The following HEXB variants were observed in gnomAD, a reference collection of about 807,000 sequenced individuals.
HEXB encodes beta-hexosaminidase subunit beta.
A neutral mutation model predicts 71.2 loss-of-function variants in HEXB; 51 were observed. The ratio of observed to expected loss-of-function variants is 0.72; its 90% CI spans 0.57 to 0.90. The LOEUF (loss-of-function observed/expected upper bound fraction) is 0.90, where lower values mean the gene tolerates loss of function less well. Ranked by LOEUF, HEXB falls within the 40% of genes least tolerant of loss-of-function variation. The pLI, the probability that HEXB is intolerant of heterozygous loss-of-function variation, is 0.00. For missense variants in HEXB, 617 were observed against 677.0 expected (o/e 0.91, Z 0.98); for synonymous variants, 266 against 249.3 (o/e 1.07, Z -0.63).
At chr5:74,715,052 T>C (rs1376822910) in intron 7 of HEXB, among the ~76,000 whole-genome samples, 1 of 152,186 alleles carries the variant, frequency 6.6e-6, no homozygotes, top group Non-Finnish European at 1.5e-5. Context: ...ACTGATGGAC[T>C]CCAGGAGAGA....
At chr5:74,704,100 G>A (rs1260994963) in intron 5 of HEXB, among the ~76,000 whole-genome samples, 1 of 152,202 alleles carries the variant, frequency 6.6e-6, no homozygotes. Flanking sequence ...AATATTTACT[G>A]TCTAGCCCTT....
intron 9 of HEXB, among the ~76,000 whole-genome samples, chr5:74,717,139 C>T (rs1749690326): frequency 6.6e-6 from 1 of 152,128 alleles, no homozygotes; most frequent in Non-Finnish European, 1.5e-5. Flanking sequence ...TAAGATCGCA[C>T]CACTGCACTC....
chr5:74,665,437 TAGG>T (rs1483791116), intron 1 of HEXB, among the ~76,000 whole-genome samples: 4 of 149,494 alleles, frequency 2.7e-5, no homozygotes, highest in Admixed American at 2.0e-4. Context: ...TGTGTGTGTG[TAGG>T]AGGAGGAGAG....
chr5:74,643,523 G>C (rs540905464), intron 1 of HEXB, among the ~76,000 whole-genome samples: 5 of 152,170 alleles, frequency 3.3e-5, no homozygotes, highest in African/African-American at 7.2e-5. Context: ...CTTGGGAGCA[G>C]GTCTTTGCCT....
At chr5:74,707,036 AC>A (rs1202171728) in intron 6 of HEXB, among the ~76,000 whole-genome samples, 66 of 152,304 alleles carry the variant, frequency 4.3e-4, no homozygotes, top group African/African-American at 1.5e-3. Context: ...ACTGGGAGGC[AC>A]CCCCCAGTAG....
intron 6 of HEXB, among the ~76,000 whole-genome samples, chr5:74,709,069 G>C (rs1451094111): frequency 2.0e-5 from 3 of 151,934 alleles, no homozygotes; most frequent in Non-Finnish European, 4.4e-5. Flanking sequence ...AAATGTAAAA[G>C]AACAGAAATT....
chr5:74,685,666 G>T (rs1464984050), intron 1 of HEXB, 107 bp downstream of exon 1: 4 of 1,026,542 alleles, frequency 3.9e-6, no homozygotes, highest in Non-Finnish European at 4.2e-6. Context: ...ACGAGAAACC[G>T]CCTGGGAGCT....
At chr5:74,710,137 G>A (rs189699701) in intron 6 of HEXB, among the ~76,000 whole-genome samples, 29 of 152,198 alleles carry the variant, frequency 1.9e-4, no homozygotes, top group African/African-American at 6.7e-4. Context: ...TTCAATATAC[G>A]TAAATCAATA....
chr5:74,675,975 G>A (rs747708397), intron 1 of HEXB, among the ~76,000 whole-genome samples: 1 of 152,142 alleles, frequency 6.6e-6, no homozygotes, highest in Non-Finnish European at 1.5e-5. Flanking sequence ...AAAGACCTAG[G>A]TAGAGTATAA....
chr5:74,677,441 C>G (rs949580201), intron 1 of HEXB, among the ~76,000 whole-genome samples: 1 of 150,300 alleles, frequency 6.7e-6, no homozygotes, highest in African/African-American at 2.4e-5. Context: ...TGGGGCAGGA[C>G]AGCTGTATTG....
At position 74,688,200 on chromosome 5, in the gene HEXB, T is replaced by C. The variant is rs1484627172; in HGVS notation, c.300-1128T>C. Among the ~76,000 whole-genome samples the C allele has an allele frequency of 4.6e-5, 7 of 152,052 alleles. No homozygotes were observed. In the East Asian group the frequency reaches 1.4e-3, roughly 29 times the overall value. ...TACAGAATTTTTATTTAATATTCTC[T>C]GATTTTTGGATACCAACAAAAGGTA... On this transcript the variant is annotated intron_variant, in intron 1 of 13. Transcript: ENST00000261416.
intron 11 of HEXB, 62 bp from the exon 12 acceptor site, chr5:74,720,365 TG>T: frequency 8.4e-7 from 1 of 1,195,318 alleles, no homozygotes; most frequent in East Asian, 2.3e-5. Context: ...CAAATCTTGA[TG>T]AAATATTGCC....
At chr5:74,698,906 G>A (rs1354430029) in intron 5 of HEXB, among the ~76,000 whole-genome samples, 1 of 151,840 alleles carries the variant, frequency 6.6e-6, no homozygotes, top group Non-Finnish European at 1.5e-5. Flanking sequence ...TATACTAGGT[G>A]GGGTACAGTG....
intron 1 of HEXB, among the ~76,000 whole-genome samples, chr5:74,669,941 G>C (rs776538678): frequency 2.6e-5 from 4 of 152,190 alleles, no homozygotes; most frequent in African/African-American, 7.2e-5. Context: ...AATACCATAA[G>C]TGATATAAAA....
chr5:74,646,364 G>C (rs1187901050), intron 1 of HEXB, among the ~76,000 whole-genome samples: 4 of 152,048 alleles, frequency 2.6e-5, no homozygotes, highest in Non-Finnish European at 4.4e-5. Flanking sequence ...GGGACACACT[G>C]GTGTCTTGAA....
In HEXB at chr5:74,689,465, A is replaced by G. The variant is rs772443805; in HGVS notation, c.437A>G (p.Asp146Gly). 6.2e-7 allele frequency: 1 copy of G among 1,613,496 alleles called. No individual in the cohort carries two copies. The highest frequency in any genetic ancestry group is 2.2e-5 in the East Asian group (1 of 44,872). ...GATGCTTTCCCCAACATATCTTCAG[A>G]TGAGTCTTGTAAGTACCTATGCAAT... Reference protein sequence around the residue: ...ECDAFPNISSDESYTLLVKEP... With the variant: ...ECDAFPNISSGESYTLLVKEP... The change falls in exon 2 of 14, where the codon GAT becomes GGT. Residue 146 changes from aspartate (D) to glycine (G), a missense_variant. By Grantham distance (94) the Asp-to-Gly change is moderately conservative. Transcript: ENST00000261416.
intron 1 of HEXB, among the ~76,000 whole-genome samples, chr5:74,686,091 C>T (rs942946845): frequency 1.3e-5 from 2 of 152,116 alleles, no homozygotes; most frequent in African/African-American, 4.8e-5. Context: ...AAATCTCTTC[C>T]ATATAAAATG....
chr5:74,713,470 T>C, intron 6 of HEXB, 36 bp from the exon 7 acceptor site: 1 of 1,598,056 alleles, frequency 6.3e-7, no homozygotes, highest in East Asian at 2.2e-5. Context: ...AAATCTACGT[T>C]GTACATTTTA....
chr5:74,673,825 C>G (rs1748583168), intron 1 of HEXB, among the ~76,000 whole-genome samples: 1 of 152,172 alleles, frequency 6.6e-6, no homozygotes, highest in Admixed American at 6.5e-5. Context: ...AGAGCAGTTA[C>G]TCAAGAAATT....
Sources: gnomAD v4.1 joint callset for allele counts (sites outside exome capture counted in the v4.1 genomes callset) on GRCh38, gnomAD v4.1.1 for gene constraint, MANE v1.5 for transcripts, NCBI Gene and HGNC (gene_info 2026-07-23, HGNC 2026-07-21) for gene names.